FBN2: variants seen among roughly 807,000 people sequenced by gnomAD.
FBN2 encodes the protein fibrillin 2.
Under a neutral mutation model 355.6 loss-of-function variants are expected in FBN2, and 105 were observed. The ratio of observed to expected loss-of-function variants is 0.30; its 90% CI spans 0.25 to 0.35. FBN2 has a LOEUF of 0.35. Among genes scored for constraint, FBN2 ranks in the 10% least tolerant of loss-of-function variants. FBN2 has a pLI of 1.00. For missense variants in FBN2, 3,280 were observed against 3,758.7 expected (o/e 0.87, Z 3.33); for synonymous variants, 1,350 against 1,301.2 (o/e 1.04, Z -0.81).
chr5:128,533,078 G>A (rs1031613585), intron 2 of FBN2, among the ~76,000 whole-genome samples: 6 of 152,164 alleles, frequency 3.9e-5, no homozygotes, highest in South Asian at 2.1e-4. Flanking sequence ...GTCAAATACT[G>A]TGATGTTAAG....
chr5:128,272,463 C>CATATATATATATATATATATATAT (rs3083327), intron 61 of FBN2, among the ~76,000 whole-genome samples: 1 of 139,816 alleles, frequency 7.2e-6, no homozygotes, highest in Non-Finnish European at 1.5e-5. Context: ...TTTGGTAAAT[C>CATATATATATATATATATATATAT]ATATATATAT....
intron 4 of FBN2, among the ~76,000 whole-genome samples, chr5:128,523,626 T>C (rs1330728448): frequency 6.6e-6 from 1 of 152,066 alleles, no homozygotes; most frequent in African/African-American, 2.4e-5. Context: ...CTCAATCTAA[T>C]GAATCCAAAA....
chr5:128,301,351 C>T, intron 47 of FBN2, 31 bp downstream of exon 47: 1 of 1,600,788 alleles, frequency 6.2e-7, no homozygotes, highest in Non-Finnish European at 8.6e-7. Flanking sequence ...AACATAACAC[C>T]ACAAAGACTG....
At position 128,291,563 on chromosome 5, in the gene FBN2, G is replaced by A; in HGVS notation, c.6258C>T (p.Gly2086=). Residue 2086 remains glycine (G), a synonymous_variant, in exon 49 of 65, where the codon GGC becomes GGT. Coordinates refer to ENST00000262464, the MANE Select transcript of FBN2 (RefSeq NM_001999.4). ...TCCGTCCATTATCAGATAGTACAAA[G>A]CCAGGGGGGCAGAGGCACTGGAAGC... is the stretch of plus-strand genomic sequence containing the variant. ...PGGFQCLCPP[G]FVLSDNGRRC... 1 of 1,613,988 alleles carries A rather than the reference G, an allele frequency of 6.2e-7. No individual in the cohort carries two copies. Among genetic ancestry groups the A allele is most frequent in the Non-Finnish European group, 8.5e-7 (1 of 1,179,860 alleles).
chr5:128,518,762 A>C (rs1329095184), intron 5 of FBN2, among the ~76,000 whole-genome samples: 2 of 152,184 alleles, frequency 1.3e-5, no homozygotes, highest in Non-Finnish European at 2.9e-5. Flanking sequence ...AAAAAGTGAA[A>C]CATAAAGGAG....
intron 34 of FBN2, among the ~76,000 whole-genome samples, chr5:128,325,323 G>A (rs1369131345): frequency 6.6e-6 from 1 of 152,154 alleles, no homozygotes; most frequent in Non-Finnish European, 1.5e-5. Context: ...AGGACAGTTA[G>A]CTTTTCTTGT....
chr5:128,484,424 T>A (rs1755279650), intron 5 of FBN2, among the ~76,000 whole-genome samples: 1 of 152,186 alleles, frequency 6.6e-6, no homozygotes, highest in South Asian at 2.1e-4. Flanking sequence ...ATATTTGCCA[T>A]AAATAATTAA....
In FBN2 at chr5:128,305,846, T is replaced by C. The variant is rs1246823099; in HGVS notation, c.5525A>G (p.Asn1842Ser). 1.9e-6 allele frequency: 3 copies of C among 1,614,064 alleles called. No individual in the cohort carries two copies. The highest frequency in any genetic ancestry group is 2.5e-6 in the Non-Finnish European group (3 of 1,179,960). ...ACCTTCACAAACCAACAGCAGGTCA[T>C]TGTAACTGAATCCTGTAGGGCATTC... ...RCECPTGFSYNDLLLVCEDID... is the reference protein window; with the variant it reads ...RCECPTGFSYSDLLLVCEDID... Residue 1842 changes from asparagine (N) to serine (S), a missense_variant, in exon 43 of 65, where the codon AAT (asparagine) becomes AGT (serine). By Grantham distance (46) the Asn-to-Ser change is conservative. Coordinates refer to ENST00000262464, the MANE Select transcript of FBN2 (RefSeq NM_001999.4).
At chr5:128,368,537 T>C (rs1031465121) in intron 16 of FBN2, among the ~76,000 whole-genome samples, 16 of 149,632 alleles carry the variant, frequency 1.1e-4, no homozygotes, top group African/African-American at 3.9e-4. Context: ...GTTGTGTTTA[T>C]AACCTTGAAA....
chr5:128,414,176 T>G (rs1753137815), intron 7 of FBN2, among the ~76,000 whole-genome samples: 1 of 152,158 alleles, frequency 6.6e-6, no homozygotes, highest in African/African-American at 2.4e-5. Flanking sequence ...AGTGTAAAAC[T>G]CAAATGATTT....
At chr5:128,335,130 T>G (rs748287898) in intron 30 of FBN2, 40 bp downstream of exon 30, 2 of 1,613,068 alleles carry the variant, frequency 1.2e-6, no homozygotes, top group Non-Finnish European at 1.7e-6. Flanking sequence ...TGTGTGTGCA[T>G]GTGTGTGTAT....
intron 7 of FBN2, among the ~76,000 whole-genome samples, chr5:128,444,306 T>A (rs1020299519): frequency 9.5e-4 from 144 of 151,330 alleles, no homozygotes; most frequent in Middle Eastern, 3.4e-3. Context: ...TCTCCTGACC[T>A]CAAGATCCAC....
At chr5:128,505,076 A>T (rs1055669764) in intron 5 of FBN2, among the ~76,000 whole-genome samples, 5 of 152,120 alleles carry the variant, frequency 3.3e-5, no homozygotes, top group African/African-American at 1.2e-4. Context: ...TTAAGATGTG[A>T]TTCTGCTCCT....
At chr5:128,344,659 T>C in intron 24 of FBN2, 149 bp from the exon 25 acceptor site, 2 of 723,182 alleles carry the variant, frequency 2.8e-6, no homozygotes, top group South Asian at 1.5e-5. Context: ...CACACTGATA[T>C]CACACAGGAA....
rs3989391 is a variant in FBN2 at position 128,269,283 on chromosome 5, G to GTAATAATAATAA, written c.7960+2704_7960+2715dup. ...TACAATAATAATAATAATAATAATA[G>GTAATAATAATAA]TAATAATAATAATAATAATAATAAA... On this transcript the variant is annotated intron_variant, in intron 62 of 64. Transcript: ENST00000262464. Among the ~76,000 whole-genome samples, 508 of 145,136 alleles carry GTAATAATAATAA rather than the reference G, an allele frequency of 3.5e-3. 5 individuals are homozygous for GTAATAATAATAA. Among genetic ancestry groups the GTAATAATAATAA allele is most frequent in the African/African-American group, 0.01 (398 of 39,546 alleles).
intron 1 of FBN2, 84 bp downstream of exon 1, chr5:128,537,266 G>A (rs1756876878): frequency 1.9e-6 from 3 of 1,581,186 alleles, no homozygotes; most frequent in Non-Finnish European, 2.6e-6. Flanking sequence ...GGTCTGGGAC[G>A]GAGTGGGCCA....
chr5:128,473,611 G>C (rs1754934634), intron 5 of FBN2, among the ~76,000 whole-genome samples: 1 of 152,080 alleles, frequency 6.6e-6, no homozygotes, highest in African/African-American at 2.4e-5. Context: ...CCAACACATG[G>C]GTTTTCTACA....
chr5:128,392,433 G>A (rs1298997601), intron 10 of FBN2, among the ~76,000 whole-genome samples: 3 of 152,084 alleles, frequency 2.0e-5, no homozygotes, highest in Admixed American at 6.5e-5. Context: ...AGTGCTTTCC[G>A]TTTCTCCTTT....
intron 7 of FBN2, among the ~76,000 whole-genome samples, chr5:128,436,426 T>C (rs963206835): frequency 3.9e-5 from 6 of 152,188 alleles, no homozygotes; most frequent in African/African-American, 7.2e-5. Flanking sequence ...ACTGTTGATA[T>C]ATATTCTCCA....
Sources: gnomAD v4.1 joint callset for allele counts (sites outside exome capture counted in the v4.1 genomes callset) on GRCh38, gnomAD v4.1.1 for gene constraint, MANE v1.5 for transcripts, NCBI Gene and HGNC (gene_info 2026-07-23, HGNC 2026-07-21) for gene names.